TAMM41: variants seen among roughly 807,000 people sequenced by gnomAD.
The protein encoded by TAMM41 is phosphatidate cytidylyltransferase, mitochondrial.
Under a neutral mutation model 44.1 loss-of-function variants are expected in TAMM41, and 36 were observed. That is an observed-to-expected ratio of 0.82 (90% CI 0.63 to 1.08). The LOEUF is 1.08. Among genes scored for constraint, TAMM41 ranks in the 50% least tolerant of loss-of-function variants. The probability of loss-of-function intolerance (pLI) is 0.00; values close to 1 mark genes in which losing one functional copy is unlikely to be tolerated. For synonymous variants in TAMM41, 164 were observed against 153.1 expected, an observed-to-expected ratio of 1.07 and a Z score of -0.53; for missense variants, 417 against 404.3, an observed-to-expected ratio of 1.03 and a Z score of -0.27.
chr3:11,799,963 C>T (rs1388143377), intron 7 of TAMM41, among the ~76,000 whole-genome samples: 2 of 152,004 alleles, frequency 1.3e-5, no homozygotes, highest in Non-Finnish European at 2.9e-5. Context: ...GGAAAAAAAC[C>T]CTGTCACCCA....
At chr3:11,748,372 TC>T in the TAMM41 span, among the ~76,000 whole-genome samples, 2 of 152,002 alleles carry the variant, frequency 1.3e-5, no homozygotes, top group African/African-American at 4.8e-5. Flanking sequence ...AGCCTCTGCC[TC>T]CCAGGTTCAA....
chr3:11,735,993 G>A, the TAMM41 span, among the ~76,000 whole-genome samples: 1 of 152,178 alleles, frequency 6.6e-6, no homozygotes, highest in Non-Finnish European at 1.5e-5. Flanking sequence ...AGATCATGCA[G>A]TAGCCAAAGC....
At position 11,825,788 on chromosome 3, in the gene TAMM41, A is replaced by C. The variant is rs553669644; in HGVS notation, c.562+3926T>G. Among the ~76,000 whole-genome samples the C allele has an allele frequency of 4.1e-5, 6 of 146,288 alleles. No homozygotes were observed. In the East Asian group the frequency reaches 7.9e-4, roughly 19 times the overall value. On this transcript the variant is annotated intron_variant, in intron 4 of 7. Coordinates refer to ENST00000455809, the MANE Select transcript of TAMM41 (RefSeq NM_001284401.2). ...TCCATCTGATCTAAGTACTCAGCTA[A>C]TTTTTTTTTTTTTTAATTTAAGAAA...
intron 7 of TAMM41, among the ~76,000 whole-genome samples, chr3:11,803,285 G>T (rs1251966649): frequency 6.6e-6 from 1 of 152,176 alleles, no homozygotes; most frequent in East Asian, 1.9e-4. Context: ...TCAGGAGGCT[G>T]AAGGGGGAGA....
the TAMM41 span, among the ~76,000 whole-genome samples, chr3:11,724,309 C>G: frequency 1.3e-5 from 2 of 151,706 alleles, no homozygotes; most frequent in East Asian, 3.9e-4. Flanking sequence ...TACCATGTTA[C>G]CCAGGCTAGT....
chr3:11,775,466 G>A, the TAMM41 span, among the ~76,000 whole-genome samples: 5 of 152,192 alleles, frequency 3.3e-5, no homozygotes, highest in Non-Finnish European at 7.3e-5. Context: ...TAGCCATTCT[G>A]CAGTCACATC....
chr3:11,741,540 T>C, the TAMM41 span, among the ~76,000 whole-genome samples: 8 of 150,130 alleles, frequency 5.3e-5, no homozygotes, highest in Non-Finnish European at 1.5e-5. Flanking sequence ...CACATTTCTC[T>C]TCATGTCTTC....
At chr3:11,799,743 A>AC (rs2077700394) in intron 7 of TAMM41, among the ~76,000 whole-genome samples, 1 of 152,124 alleles carries the variant, frequency 6.6e-6, no homozygotes, top group Non-Finnish European at 1.5e-5. Flanking sequence ...AGACCCAATG[A>AC]CCCCCAGGTG....
chr3:11,754,735 A>T, the TAMM41 span, among the ~76,000 whole-genome samples: 1 of 110,634 alleles, frequency 9.0e-6, no homozygotes. Context: ...TTTTTTTGAG[A>T]CAGAGTCTTG....
chr3:11,815,353 G>T (rs1466600023), intron 5 of TAMM41, among the ~76,000 whole-genome samples: 1 of 152,078 alleles, frequency 6.6e-6, no homozygotes, highest in African/African-American at 2.4e-5. Flanking sequence ...CAGGGCAGGG[G>T]GCTCCAGGAA....
intron 1 of TAMM41, chr3:11,845,215 G>A (rs2079629142): frequency 3.0e-6 from 1 of 338,652 alleles, no homozygotes; most frequent in South Asian, 2.3e-5. Flanking sequence ...AGGGGGTGGG[G>A]GAATTAGATC....
At chr3:11,762,927 C>A in the TAMM41 span, among the ~76,000 whole-genome samples, 1 of 152,062 alleles carries the variant, frequency 6.6e-6, no homozygotes, top group Non-Finnish European at 1.5e-5. Context: ...TGGGCAGTGG[C>A]GGATGCCTGG....
At chr3:11,837,276 C>T (rs1169297131) in intron 3 of TAMM41, among the ~76,000 whole-genome samples, 1 of 152,100 alleles carries the variant, frequency 6.6e-6, no homozygotes, top group Non-Finnish European at 1.5e-5. Context: ...TCTTGTGGAG[C>T]CTGGGACCCT....
chr3:11,800,207 C>T (rs1305457329), intron 7 of TAMM41, among the ~76,000 whole-genome samples: 1 of 151,978 alleles, frequency 6.6e-6, no homozygotes, highest in Non-Finnish European at 1.5e-5. Context: ...AATCAAATTA[C>T]AGAATTTCAT....
intron 6 of TAMM41, 82 bp downstream of exon 6, chr3:11,809,435 A>T: frequency 6.6e-7 from 1 of 1,522,250 alleles, no homozygotes; most frequent in Non-Finnish European, 8.9e-7. Context: ...ACAAAAAGGA[A>T]GAAATAATAC....
chr3:11,814,386 CAAG>C (rs1219301809), intron 5 of TAMM41, among the ~76,000 whole-genome samples: 1 of 151,374 alleles, frequency 6.6e-6, no homozygotes, highest in Admixed American at 6.6e-5. Flanking sequence ...ATCCATAATA[CAAG>C]AATAGGAAGC....
intron 4 of TAMM41, among the ~76,000 whole-genome samples, chr3:11,827,888 C>G (rs1480442595): frequency 1.3e-5 from 2 of 152,104 alleles, no homozygotes; most frequent in Non-Finnish European, 2.9e-5. Flanking sequence ...CTGGCAGGAA[C>G]TTGTCCAACA....
At chr3:11,834,834 G>A (rs2079112519) in intron 3 of TAMM41, among the ~76,000 whole-genome samples, 2 of 151,958 alleles carry the variant, frequency 1.3e-5, no homozygotes, top group African/African-American at 4.8e-5. Context: ...TTACAGGTGC[G>A]CACCACCTCG....
chr3:11,793,059 CAA>C (rs61264653), intron 7 of TAMM41, among the ~76,000 whole-genome samples: 8,844 of 64,618 alleles, frequency 0.14, 358 homozygotes, highest in Admixed American at 0.26. Flanking sequence ...GGCCCCATCT[CAA>C]AAAAAAAAAA....
Sources: allele counts gnomAD v4.1 joint callset (sites outside exome capture counted in the v4.1 genomes callset), GRCh38; gene constraint gnomAD v4.1.1; transcripts MANE v1.5; gene names NCBI Gene and HGNC (gene_info 2026-07-23, HGNC 2026-07-21).